Variants in PLCH1 observed in about 807,000 individuals in gnomAD.
PLCH1 encodes the protein 1-phosphatidylinositol 4,5-bisphosphate phosphodiesterase eta-1.
PLCH1 carries 60 observed loss-of-function variants against 126.7 expected under a neutral mutation model. The ratio of observed to expected loss-of-function variants is 0.47; its 90% CI spans 0.38 to 0.59. The LOEUF (loss-of-function observed/expected upper bound fraction) is 0.59, where lower values mean the gene tolerates loss of function less well. Among genes scored for constraint, PLCH1 ranks in the 20% least tolerant of loss-of-function variants. PLCH1 has a pLI of 0.00. For synonymous variants in PLCH1, 719 were observed against 734.9 expected (o/e 0.98, Z 0.35); for missense variants, 1,723 against 2,040.0 (o/e 0.84, Z 2.99).
At chr3:155,711,947 T>C (rs932535195) in intron 1 of PLCH1, among the ~76,000 whole-genome samples, 1 of 152,168 alleles carries the variant, frequency 6.6e-6, no homozygotes, top group Non-Finnish European at 1.5e-5. Context: ...CCCAGAGAAA[T>C]GGAAACAAAC....
At chr3:155,666,893 GGTGTGTGTGTGTGTGTGT>G (rs3220185) in intron 2 of PLCH1, among the ~76,000 whole-genome samples, 23 of 148,766 alleles carry the variant, frequency 1.5e-4, no homozygotes, top group Admixed American at 8.7e-4. Flanking sequence ...ACACAGATGA[GGTGTGTGTGTGTGTGTGT>G]GTGTGTGTGT....
intron 2 of PLCH1, among the ~76,000 whole-genome samples, chr3:155,701,582 A>G (rs1025824416): frequency 9.2e-5 from 14 of 152,192 alleles, no homozygotes; most frequent in African/African-American, 3.4e-4. Context: ...TTATGTAAGG[A>G]GAGTTATCAA....
intron 10 of PLCH1, among the ~76,000 whole-genome samples, chr3:155,545,250 C>A (rs1484132047): frequency 8.7e-5 from 13 of 150,090 alleles, no homozygotes; most frequent in African/African-American, 3.2e-4. Context: ...TCAGAGAATA[C>A]TACAAACACC....
chr3:155,720,879 A>G (rs1157949281), intron 1 of PLCH1, among the ~76,000 whole-genome samples: 2 of 152,226 alleles, frequency 1.3e-5, no homozygotes, highest in Non-Finnish European at 2.9e-5. Flanking sequence ...TCTTTGATCC[A>G]TCTTCAGTTG....
intron 2 of PLCH1, among the ~76,000 whole-genome samples, chr3:155,645,684 T>C (rs535043510): frequency 6.6e-6 from 1 of 151,984 alleles, no homozygotes; most frequent in South Asian, 2.1e-4. Context: ...TCTCACTATG[T>C]TGTCCAGGCT....
intron 2 of PLCH1, among the ~76,000 whole-genome samples, chr3:155,639,521 C>G (rs2108848119): frequency 6.6e-6 from 1 of 152,250 alleles, no homozygotes; most frequent in African/African-American, 2.4e-5. Context: ...AAAGACCAAA[C>G]TCCAAGCCTA....
chr3:155,656,725 C>T (rs1039424659), intron 2 of PLCH1, among the ~76,000 whole-genome samples: 1 of 151,986 alleles, frequency 6.6e-6, no homozygotes, highest in African/African-American at 2.4e-5. Context: ...AGGCATTCAA[C>T]TAAGGTCAGG....
At chr3:155,673,392 A>G (rs1273120882) in intron 2 of PLCH1, among the ~76,000 whole-genome samples, 1 of 152,154 alleles carries the variant, frequency 6.6e-6, no homozygotes, top group East Asian at 1.9e-4. Context: ...CCTTGTAGAT[A>G]AAGCACATGG....
intron 2 of PLCH1, among the ~76,000 whole-genome samples, chr3:155,654,302 G>A (rs1429103143): frequency 6.6e-6 from 1 of 151,830 alleles, no homozygotes; most frequent in Non-Finnish European, 1.5e-5. Flanking sequence ...CTCAGCCTAT[G>A]ACCTTCTTCT....
chr3:155,713,365 G>C (rs984511597), intron 1 of PLCH1, among the ~76,000 whole-genome samples: 1 of 152,216 alleles, frequency 6.6e-6, no homozygotes, highest in Non-Finnish European at 1.5e-5. Flanking sequence ...GAGATGATCA[G>C]AGCAAAGTGT....
intron 2 of PLCH1, among the ~76,000 whole-genome samples, chr3:155,631,327 G>C (rs1737993124): frequency 8.1e-6 from 1 of 124,132 alleles, no homozygotes; most frequent in Non-Finnish European, 1.6e-5. Context: ...TAGGATCATT[G>C]CCAAGTTTAA....
intron 1 of PLCH1, 117 bp downstream of exon 1, chr3:155,744,723 T>G (rs1287703165): frequency 1.3e-5 from 2 of 152,484 alleles, no homozygotes; most frequent in African/African-American, 4.8e-5. Context: ...CGGCTGTGGC[T>G]GCCGAGAAAG....
chr3:155,744,441 T>C (rs576132658), intron 1 of PLCH1, among the ~76,000 whole-genome samples: 1 of 152,310 alleles, frequency 6.6e-6, no homozygotes, highest in East Asian at 1.9e-4. Flanking sequence ...AACGCGGACC[T>C]GCTCTCCTGG....
At chr3:155,471,915 T>C (rs371970647) in intron 21 of PLCH1, among the ~76,000 whole-genome samples, 15 of 151,876 alleles carry the variant, frequency 9.9e-5, no homozygotes, top group East Asian at 5.8e-4. Context: ...ATCTCTGGGA[T>C]GCATTCAAAG....
chr3:155,710,467 C>T (rs1747022206), intron 1 of PLCH1, among the ~76,000 whole-genome samples: 1 of 152,066 alleles, frequency 6.6e-6, no homozygotes. Context: ...ATTCTGAATC[C>T]TTACAATGAT....
chr3:155,562,945 A>C (rs1240043534), intron 8 of PLCH1, among the ~76,000 whole-genome samples: 1 of 152,150 alleles, frequency 6.6e-6, no homozygotes, highest in Non-Finnish European at 1.5e-5. Flanking sequence ...GCCCACTAAC[A>C]TATCACCAAC....
At chr3:155,738,565 C>T (rs1749374960) in intron 1 of PLCH1, among the ~76,000 whole-genome samples, 1 of 151,864 alleles carries the variant, frequency 6.6e-6, no homozygotes, top group Non-Finnish European at 1.5e-5. Context: ...AGGCGGGTCA[C>T]GAGGTCAGGA....
At chr3:155,627,801 T>A (rs1419869587) in intron 2 of PLCH1, among the ~76,000 whole-genome samples, 11 of 148,522 alleles carry the variant, frequency 7.4e-5, no homozygotes, top group Admixed American at 4.7e-4. Flanking sequence ...AGAATCTCAC[T>A]CCATCGCCCA....
intron 11 of PLCH1, among the ~76,000 whole-genome samples, chr3:155,520,592 A>T (rs1267713566): frequency 3.3e-5 from 5 of 152,228 alleles, no homozygotes; most frequent in Non-Finnish European, 1.5e-5. Context: ...AATGAAGTTA[A>T]AATACAGAGG....
Sources: gnomAD v4.1 joint callset for allele counts (sites outside exome capture counted in the v4.1 genomes callset) on GRCh38, gnomAD v4.1.1 for gene constraint, MANE v1.5 for transcripts, NCBI Gene and HGNC (gene_info 2026-07-23, HGNC 2026-07-21) for gene names.